Variants in LCOR observed in about 807,000 individuals in gnomAD.
LCOR encodes ligand-dependent corepressor.
In LCOR, 14 loss-of-function variants were observed where a neutral mutation model predicts 64.4. The observed-to-expected ratio is 0.22, with a 90% CI of 0.14 to 0.34. LCOR has a LOEUF of 0.34. LCOR is among the 10% of genes least tolerant of loss of function. LCOR has a pLI of 1.00. For synonymous variants in LCOR, 643 were observed against 642.5 expected, an observed-to-expected ratio of 1.00 and a Z score of -0.01; for missense variants, 1,686 against 1,765.3, an observed-to-expected ratio of 0.96 and a Z score of 0.80.
intron 4 of LCOR, among the ~76,000 whole-genome samples, chr10:96,925,044 ATTTATTTAT>A (rs1480326363): frequency 1.3e-5 from 2 of 151,300 alleles, no homozygotes; most frequent in Admixed American, 1.3e-4. Context: ...CCATTTATTT[ATTTATTTAT>A]TTTATTTATT....
intron 7 of LCOR, among the ~76,000 whole-genome samples, chr10:96,967,177 T>C (rs991880314): frequency 6.6e-6 from 1 of 152,240 alleles, no homozygotes; most frequent in Non-Finnish European, 1.5e-5. Flanking sequence ...TCTCCTAGAC[T>C]GGAATGCAGT....
rs745827276 is a variant in LCOR at position 96,982,008 on chromosome 10, T to C, written c.1548T>C (p.Val516=). Residue 516 remains valine, a synonymous_variant, in exon 8 of 8, where the codon GTT becomes GTC. Coordinates refer to ENST00000421806, the MANE Select transcript of LCOR (RefSeq NM_001346516.2). The part of the protein sequence containing the change: ...FNGDCCELPT[V]RTLARNLHSQ... ...GTGACTGTTGTGAGCTGCCAACTGT[T>C]CGTACACTGGCCAGAAATTTACACT... The C allele has an allele frequency of 4.3e-6, 7 of 1,614,062 alleles. No individual in the cohort carries two copies. The highest frequency in any genetic ancestry group is 2.7e-5 in the African/African-American group (2 of 75,044).
chr10:96,880,220 A>G (rs890147725), intron 2 of LCOR, among the ~76,000 whole-genome samples: 12 of 152,232 alleles, frequency 7.9e-5, no homozygotes, highest in African/African-American at 1.9e-4. Flanking sequence ...TAATAATGTC[A>G]GTGACCTTTA....
intron 2 of LCOR, among the ~76,000 whole-genome samples, chr10:96,880,131 A>G (rs1326024426): frequency 1.3e-5 from 2 of 152,180 alleles, no homozygotes; most frequent in African/African-American, 4.8e-5. Flanking sequence ...TTTTGCATTC[A>G]GGTATTGGTT....
chr10:96,957,455 T>C, intron 7 of LCOR: 2 of 985,246 alleles, frequency 2.0e-6, no homozygotes, highest in Non-Finnish European at 2.4e-6. Flanking sequence ...TGTGATCAGA[T>C]TAAAATTACT....
chr10:96,965,205 T>A (rs1847936445), intron 7 of LCOR, among the ~76,000 whole-genome samples: 1 of 150,864 alleles, frequency 6.6e-6, no homozygotes, highest in Admixed American at 6.6e-5. Flanking sequence ...GAGAGGGAGT[T>A]TCACAATGTT....
intron 7 of LCOR, chr10:96,956,310 T>G (rs903046000): frequency 6.0e-6 from 6 of 993,896 alleles, no homozygotes; most frequent in Non-Finnish European, 7.2e-6. Context: ...CAAAGCCCCC[T>G]TTTAGAAACT....
At chr10:96,967,102 C>T (rs980639205) in intron 7 of LCOR, among the ~76,000 whole-genome samples, 2 of 152,146 alleles carry the variant, frequency 1.3e-5, no homozygotes, top group Non-Finnish European at 2.9e-5. Flanking sequence ...TTTTAATGTT[C>T]GTTGTTCATC....
chr10:96,922,329 G>T (rs540110312), intron 4 of LCOR, among the ~76,000 whole-genome samples: 1 of 152,018 alleles, frequency 6.6e-6, no homozygotes, highest in South Asian at 2.1e-4. Context: ...AGAAGTTTTG[G>T]CCACAGATAT....
chr10:96,872,029 A>G, intron 2 of LCOR, among the ~76,000 whole-genome samples: 1 of 152,362 alleles, frequency 6.6e-6, no homozygotes, highest in East Asian at 1.9e-4. Flanking sequence ...AGTCCATGCC[A>G]CATAGAAGCA....
At chr10:96,947,820 G>C (rs1358938670) in intron 5 of LCOR, among the ~76,000 whole-genome samples, 1 of 151,996 alleles carries the variant, frequency 6.6e-6, no homozygotes. Context: ...GACCAGGCAA[G>C]ATTAGGTATA....
At chr10:96,927,965 A>G (rs909571567) in intron 4 of LCOR, among the ~76,000 whole-genome samples, 3 of 152,242 alleles carry the variant, frequency 2.0e-5, no homozygotes, top group African/African-American at 7.2e-5. Flanking sequence ...GAAACAATGT[A>G]TATAACCTAA....
At chr10:96,933,459 A>G (rs192219606) in intron 4 of LCOR, among the ~76,000 whole-genome samples, 1 of 152,370 alleles carries the variant, frequency 6.6e-6, no homozygotes, top group East Asian at 1.9e-4. Flanking sequence ...ACAAAAGAAC[A>G]CAAGTCCCTG....
At chr10:96,867,805 A>G (rs1845999124) in intron 2 of LCOR, among the ~76,000 whole-genome samples, 1 of 152,114 alleles carries the variant, frequency 6.6e-6, no homozygotes, top group South Asian at 2.1e-4. Flanking sequence ...GTATAAATAT[A>G]TATAAATTTT....
intron 2 of LCOR, among the ~76,000 whole-genome samples, chr10:96,834,452 A>G (rs568314765): frequency 3.0e-4 from 45 of 152,074 alleles, no homozygotes; most frequent in Non-Finnish European, 1.3e-4. Context: ...TATTCTTTCA[A>G]AGTATTATTA....
intron 7 of LCOR, among the ~76,000 whole-genome samples, chr10:96,967,842 TTATTTC>T (rs1420855190): frequency 1.3e-5 from 2 of 152,234 alleles, no homozygotes; most frequent in African/African-American, 4.8e-5. Flanking sequence ...TTCATAATTT[TTATTTC>T]TATTATGTGC....
At chr10:96,874,740 C>T (rs941385491) in intron 2 of LCOR, among the ~76,000 whole-genome samples, 7 of 151,648 alleles carry the variant, frequency 4.6e-5, no homozygotes, top group African/African-American at 9.7e-5. Context: ...TGGGCTCAGG[C>T]GATTCTCCTG....
intron 2 of LCOR, among the ~76,000 whole-genome samples, chr10:96,847,316 A>G (rs952331651): frequency 2.0e-5 from 3 of 151,526 alleles, no homozygotes; most frequent in Non-Finnish European, 2.9e-5. Context: ...ACCAGAAGCT[A>G]TAATAGAAAT....
intron 7 of LCOR, among the ~76,000 whole-genome samples, chr10:96,973,439 T>G (rs905300359): frequency 6.6e-6 from 1 of 152,036 alleles, no homozygotes; most frequent in Admixed American, 6.5e-5. Flanking sequence ...TAGCCAAGAG[T>G]AGATAAATTT....
Sources: allele counts gnomAD v4.1 joint callset (sites outside exome capture counted in the v4.1 genomes callset), GRCh38; gene constraint gnomAD v4.1.1; transcripts MANE v1.5; gene names NCBI Gene and HGNC (gene_info 2026-07-23, HGNC 2026-07-21).